The following LAMC3 variants were observed in gnomAD, a reference collection of about 807,000 sequenced individuals.
LAMC3 encodes laminin subunit gamma 3.
LAMC3 carries 128 observed loss-of-function variants against 173.8 expected under a neutral mutation model. That is an observed-to-expected ratio of 0.74 (90% CI 0.64 to 0.85). The LOEUF is 0.85. Among genes scored for constraint, LAMC3 ranks in the 40% least tolerant of loss-of-function variants. LAMC3 has a pLI of 0.00. For synonymous variants in LAMC3, 897 were observed against 909.1 expected, an observed-to-expected ratio of 0.99 and a Z score of 0.24; for missense variants, 2,022 against 2,156.0, an observed-to-expected ratio of 0.94 and a Z score of 1.23.
At position 131,052,478 on chromosome 9, in the gene LAMC3, CTCTTG is replaced by C. The variant is rs1409038317; in HGVS notation, c.1631-8_1631-4del. ...ATATGAAGACTGTCAAAGCCTTCTT[CTCTTG>C]TCTTCAGAGAAGTTCCTGGGAGACC... On this transcript the variant is annotated splice_polypyrimidine_tract_variant and splice_region_variant and intron_variant, in intron 9 of 27. Transcript: ENST00000361069. 5.6e-6 allele frequency: 9 copies of C among 1,610,388 alleles called. No homozygotes were observed. The highest frequency in any genetic ancestry group is 4.0e-5 in the African/African-American group (3 of 74,876).
At chr9:131,016,151 A>G (rs531060052) in intron 1 of LAMC3, among the ~76,000 whole-genome samples, 1 of 152,328 alleles carries the variant, frequency 6.6e-6, no homozygotes, top group East Asian at 1.9e-4. Flanking sequence ...CCAGCCAAAA[A>G]AGAACAAATA....
In LAMC3 at chr9:131,009,606, C is replaced by T. The variant is rs1458273635; in HGVS notation, c.373+19C>T. 2 of 1,559,628 alleles carry T rather than the reference C, an allele frequency of 1.3e-6. No individual in the cohort carries two copies. The highest frequency in any genetic ancestry group is 4.8e-5 in the East Asian group (2 of 41,746). On this transcript the variant is annotated intron_variant, in intron 1 of 27. Coordinates refer to ENST00000361069, the MANE Select transcript of LAMC3 (RefSeq NM_006059.4). This position sits in a 1 kb window ranked among gnomAD's most constrained non-coding sequence, Gnocchi z 4.3. ...CGCCTAGGTAAGCGCGGGCTGGGGG[C>T]ACCGCCACCGCACCCCGTGTCCCCA...
Position 131,009,577 on chromosome 9 carries a change from C to T in LAMC3, c.363C>T (p.Thr121=). The T allele has an allele frequency of 1.3e-6, 2 of 1,572,726 alleles. No homozygotes were observed. Among genetic ancestry groups the T allele is most frequent in the Non-Finnish European group, 1.7e-6 (2 of 1,160,232 alleles). Reference sequence around the variant, plus strand: ...AGTACCCCACCTCGGTCAACATCACCCTCCGCCTAGGTAAGCGCGGGCTGG... The same window carrying T: ...AGTACCCCACCTCGGTCAACATCACTCTCCGCCTAGGTAAGCGCGGGCTGG... ...GVQYPTSVNI[T]LRLGKAYEIT... The change falls in exon 1 of 28, where the codon ACC becomes ACT. Residue 121 remains threonine (T), a synonymous_variant. Transcript: ENST00000361069. The surrounding 1 kb of genome is among the most constrained non-coding windows in gnomAD (Gnocchi z 4.3).
In LAMC3 at chr9:131,073,251, C is replaced by G. The variant is rs1830066839; in HGVS notation, c.3424C>G (p.Pro1142Ala). The part of the protein sequence containing the change: ...AAAILASLEI[P>A]QEGPSQPTKW... Reference sequence around the variant, plus strand: ...CTTCCTCTTCTTTCTACAGGAGATTCCTCAGGAAGGTCCCAGTCAGCCGAC... The same window carrying G: ...CTTCCTCTTCTTTCTACAGGAGATTGCTCAGGAAGGTCCCAGTCAGCCGAC... Residue 1142 changes from proline (P) to alanine (A), a missense_variant, in exon 20 of 28, where the codon CCT (proline) becomes GCT (alanine). Pro to Ala is a conservative substitution (Grantham distance 27, BLOSUM62 -1). Transcript: ENST00000361069. The G allele has an allele frequency of 6.2e-7, 1 of 1,612,790 alleles. No homozygotes were observed. The highest frequency in any genetic ancestry group is 8.5e-7 in the Non-Finnish European group (1 of 1,179,562).
At chr9:131,015,682 G>A (rs1833508172) in intron 1 of LAMC3, among the ~76,000 whole-genome samples, 1 of 152,074 alleles carries the variant, frequency 6.6e-6, no homozygotes, top group Non-Finnish European at 1.5e-5. Flanking sequence ...TTGAGACGGA[G>A]ACTCGCTCCA....
At chr9:131,032,521 G>GCTCTCTCTCGCTCT (rs1833847458) in intron 3 of LAMC3, among the ~76,000 whole-genome samples, 1 of 131,232 alleles carries the variant, frequency 7.6e-6, no homozygotes, top group Non-Finnish European at 1.6e-5. Flanking sequence ...TCTCTCTCTT[G>GCTCTCTCTCGCTCT]CTCTCTCTCG....
intron 27 of LAMC3, among the ~76,000 whole-genome samples, chr9:131,088,872 A>G (rs1830374117): frequency 6.6e-6 from 1 of 152,004 alleles, no homozygotes; most frequent in East Asian, 1.9e-4. Context: ...ATTTGAGGTC[A>G]GGAGTTTGAG....
chr9:131,087,476 C>T lies in LAMC3; in HGVS notation c.4231C>T (p.Leu1411Phe). The T allele has an allele frequency of 1.2e-6, 2 of 1,613,808 alleles. No homozygotes were observed. The change falls in exon 26 of 28, where the codon CTT (leucine) becomes TTT (phenylalanine). Residue 1411 changes from leucine to phenylalanine, a missense_variant and splice_region_variant. Physicochemically the swap from Leu to Phe is conservative, Grantham distance 22 (BLOSUM62 0). Transcript: ENST00000361069. ...CCTGCCACTGCCACCCATCCCATAG[C>T]TTGCCAAGGCCTTGCTGAGGGAGCG... ...AEVLAKDSAK[L>F]AKALLRERKQ...
chr9:131,018,389 C>T (rs983556007), intron 1 of LAMC3, among the ~76,000 whole-genome samples: 1 of 151,990 alleles, frequency 6.6e-6, no homozygotes, highest in Non-Finnish European at 1.5e-5. Flanking sequence ...CCTGCCTCGG[C>T]CTCCCAAAGT....
intron 24 of LAMC3, 104 bp from the exon 25 acceptor site, chr9:131,085,420 G>A (rs750135257): frequency 3.6e-5 from 42 of 1,156,196 alleles, no homozygotes; most frequent in Non-Finnish European, 5.1e-5. Context: ...TCCACTCGTT[G>A]TCCAAGGGTC....
At chr9:131,079,381 G>A in intron 23 of LAMC3, 83 bp downstream of exon 23, 2 of 1,539,994 alleles carry the variant, frequency 1.3e-6, no homozygotes, top group Non-Finnish European at 1.8e-6. Context: ...GTTGCAGGAG[G>A]GAGAAGGGCA....
Position 131,077,172 on chromosome 9 carries a change from TCTG to T in LAMC3, c.3630-12_3630-10del. On this transcript the variant is annotated splice_polypyrimidine_tract_variant and intron_variant, in intron 21 of 27. Coordinates refer to ENST00000361069, the MANE Select transcript of LAMC3 (RefSeq NM_006059.4). ...TAGTTCTGCACCCAGCTCCGTGGCC[TCTG>T]CTTCCTCCCAGGTACCAGGAGGTCC... The T allele has an allele frequency of 6.2e-7, 1 of 1,613,008 alleles. No homozygotes were observed. Among genetic ancestry groups the T allele is most frequent in the Non-Finnish European group, 8.5e-7 (1 of 1,180,004 alleles).
At chr9:131,080,176 G>A (rs1830212617) in intron 23 of LAMC3, among the ~76,000 whole-genome samples, 1 of 150,918 alleles carries the variant, frequency 6.6e-6, no homozygotes, top group African/African-American at 2.4e-5. Context: ...GGGTTTCACT[G>A]TGTTGGCCAG....
intron 4 of LAMC3, among the ~76,000 whole-genome samples, chr9:131,036,955 G>T (rs1029260702): frequency 2.0e-5 from 3 of 152,256 alleles, no homozygotes; most frequent in African/African-American, 7.2e-5. Flanking sequence ...GATCCCAGCT[G>T]GTGCTGGTGC....
chr9:131,064,265 A>C (rs920433067), intron 13 of LAMC3, among the ~76,000 whole-genome samples: 5 of 152,224 alleles, frequency 3.3e-5, no homozygotes, highest in Non-Finnish European at 7.3e-5. Context: ...AGGAGCTCAC[A>C]ACTATTCTTC....
At position 131,075,935 on chromosome 9, in the gene LAMC3, C is replaced by T; in HGVS notation, c.3599C>T (p.Ala1200Val). The change falls in exon 21 of 28, where the codon GCC becomes GTC. Residue 1200 changes from alanine to valine, a missense_variant. Coordinates refer to ENST00000361069, the MANE Select transcript of LAMC3 (RefSeq NM_006059.4). ...TGGAATCTGCTGGAGGGAAGGGTGG[C>T]CCTAGAGACCCAGCGGGACCTGGAG... ...LLWNLLEGRVALETQRDLEDR... is the reference protein window; with the variant it reads ...LLWNLLEGRVVLETQRDLEDR... 1.2e-6 allele frequency: 2 copies of T among 1,609,938 alleles called. No individual in the cohort carries two copies. Among genetic ancestry groups the T allele is most frequent in the Non-Finnish European group, 8.5e-7 (1 of 1,177,472 alleles).
chr9:131,054,810 G>A lies in LAMC3; in HGVS notation c.1939+1845G>A, dbSNP rs543155060. On this transcript the variant is annotated intron_variant, in intron 11 of 27. Transcript: ENST00000361069. Reference sequence around the variant, plus strand: ...GGAGAAAGAGAGAGAGAGAGTGAGAGAGAGAGAAAGAAAGAAGAAGGGAGG... The same window carrying A: ...GGAGAAAGAGAGAGAGAGAGTGAGAAAGAGAGAAAGAAAGAAGAAGGGAGG... Among the ~76,000 whole-genome samples the A allele has an allele frequency of 4.8e-5, 6 of 124,896 alleles. No homozygotes were observed. In the South Asian group the frequency reaches 1.6e-3, roughly 34 times the overall value. 81.9% of individuals were successfully genotyped at this position (124,896 alleles called of 152,430 possible).
chr9:131,039,125 T>C lies in LAMC3; in HGVS notation c.1166-6T>C, dbSNP rs750598484. On this transcript the variant is annotated splice_polypyrimidine_tract_variant and splice_region_variant and intron_variant, in intron 5 of 27. Transcript: ENST00000361069. ...CCTCAATTGCCCTGTGCCCTTCCTC[T>C]CCCAGGCTCCCTACACCTCCAGTGC... The C allele has an allele frequency of 1.2e-6, 2 of 1,611,008 alleles. No homozygotes were observed. The highest frequency in any genetic ancestry group is 1.1e-5 in the South Asian group (1 of 91,006).
At chr9:131,085,812 T>C (rs906207721) in intron 25 of LAMC3, 89 bp downstream of exon 25, 7 of 1,222,706 alleles carry the variant, frequency 5.7e-6, no homozygotes, top group Non-Finnish European at 8.3e-6. Flanking sequence ...CCGTGCTGAC[T>C]ACTCCGCACT....
Sources: gnomAD v4.1 joint callset for allele counts (sites outside exome capture counted in the v4.1 genomes callset) on GRCh38, gnomAD v4.1.1 for gene constraint, Gnocchi (gnomAD v3.1) non-coding constraint, MANE v1.5 for transcripts, NCBI Gene and HGNC (gene_info 2026-07-23, HGNC 2026-07-21) for gene names.